Variants in PXDNL observed in about 807,000 individuals in gnomAD.
PXDNL encodes probable oxidoreductase PXDNL.
In PXDNL, 145 loss-of-function variants were observed where a neutral mutation model predicts 150.8. The observed-to-expected ratio is 0.96, with a 90% CI of 0.84 to 1.10. The LOEUF is 1.10. Ranked by LOEUF, PXDNL falls within the 50% of genes least tolerant of loss-of-function variation. The probability of loss-of-function intolerance (pLI) is 0.00; values close to 1 mark genes in which losing one functional copy is unlikely to be tolerated. For synonymous variants in PXDNL, 757 were observed against 725.7 expected (o/e 1.04, Z -0.69); for missense variants, 2,087 against 1,873.9 (o/e 1.11, Z -2.10).
intron 4 of PXDNL, among the ~76,000 whole-genome samples, chr8:51,545,950 A>C (rs940002538): frequency 1.3e-5 from 2 of 152,212 alleles, no homozygotes; most frequent in African/African-American, 2.4e-5. Context: ...GAAAAGTCTA[A>C]AGTCTCATTT....
intron 1 of PXDNL, among the ~76,000 whole-genome samples, chr8:51,683,489 G>T (rs1419625135): frequency 6.6e-6 from 1 of 151,786 alleles, no homozygotes; most frequent in East Asian, 1.9e-4. Flanking sequence ...ACCTAATATT[G>T]GGGAGAGGGG....
intron 20 of PXDNL, among the ~76,000 whole-genome samples, chr8:51,343,683 C>T (rs1423257324): frequency 6.6e-6 from 1 of 152,136 alleles, no homozygotes; most frequent in Non-Finnish European, 1.5e-5. Flanking sequence ...TGTTGTTATC[C>T]ATGCCTGTGC....
At chr8:51,729,473 C>G (rs1198309657) in intron 1 of PXDNL, among the ~76,000 whole-genome samples, 2 of 152,084 alleles carry the variant, frequency 1.3e-5, no homozygotes, top group African/African-American at 4.8e-5. Context: ...TTTAGAATGG[C>G]CAAAATCCAA....
chr8:51,760,845 C>CTTTTTTTTTTTTTTTTTTTTTTTTTT lies in PXDNL; in HGVS notation c.164+48310_164+48335dup, dbSNP rs71237237. Among the ~76,000 whole-genome samples the CTTTTTTTTTTTTTTTTTTTTTTTTTT allele has an allele frequency of 2.2e-4, 10 of 45,492 alleles. 4 individuals are homozygous for CTTTTTTTTTTTTTTTTTTTTTTTTTT. The highest frequency in any genetic ancestry group is 3.8e-4 in the Non-Finnish European group (10 of 26,652). 29.8% of individuals were successfully genotyped at this position (45,492 alleles called of 152,430 possible). On this transcript the variant is annotated intron_variant, in intron 1 of 22. Transcript: ENST00000356297. ...GTTAGCCTGAAGGAAATCACTTAAA[C>CTTTTTTTTTTTTTTTTTTTTTTTTTT]TTTTTTTTTTTTTTTTTTTTTTTTT... is the stretch of plus-strand genomic sequence containing the variant.
At chr8:51,324,321 A>C (rs1400432457) in intron 21 of PXDNL, among the ~76,000 whole-genome samples, 3 of 151,228 alleles carry the variant, frequency 2.0e-5, no homozygotes, top group Non-Finnish European at 2.9e-5. Flanking sequence ...AGGTTGAATA[A>C]GAGTGGTGAG....
intron 4 of PXDNL, among the ~76,000 whole-genome samples, chr8:51,527,457 C>A (rs964531853): frequency 1.3e-5 from 2 of 152,172 alleles, no homozygotes; most frequent in African/African-American, 2.4e-5. Context: ...ACAAGGAGAG[C>A]AAACAGGTTG....
chr8:51,666,121 G>A (rs79949134), intron 1 of PXDNL, among the ~76,000 whole-genome samples: 5,736 of 152,098 alleles, frequency 0.038, 373 homozygotes, highest in African/African-American at 0.13. Context: ...AAATCATCCT[G>A]GCCTACGTCA....
At chr8:51,791,792 C>A (rs2037515678) in intron 1 of PXDNL, among the ~76,000 whole-genome samples, 1 of 152,122 alleles carries the variant, frequency 6.6e-6, no homozygotes, top group Admixed American at 6.5e-5. Flanking sequence ...GATATAAAAT[C>A]CTTCAATGCT....
chr8:51,423,652 G>T lies in PXDNL; in HGVS notation c.1718C>A (p.Pro573His), dbSNP rs578054583. Residue 573 changes from proline (P) to histidine (H), a missense_variant, in exon 14 of 23, where the codon CCT becomes CAT. Transcript: ENST00000356297. Reference sequence around the variant, plus strand: ...CACACATTCATATCTTCCCTGGTCAGGGAACCCTGCGTCGTAGATAGTCAG... The same window carrying T: ...CACACATTCATATCTTCCCTGGTCATGGAACCCTGCGTCGTAGATAGTCAG... ...GTLTIYDAGF[P>H]DQGRYECVAR... 6.2e-6 allele frequency: 10 copies of T among 1,613,910 alleles called. No individual in the cohort carries two copies. Among genetic ancestry groups the T allele is most frequent in the African/African-American group, 1.3e-5 (1 of 75,040 alleles).
chr8:51,763,968 T>C (rs1355919560), intron 1 of PXDNL, among the ~76,000 whole-genome samples: 1 of 152,202 alleles, frequency 6.6e-6, no homozygotes, highest in Non-Finnish European at 1.5e-5. Flanking sequence ...ATTTTTAAAA[T>C]TACTAATTTA....
In PXDNL at chr8:51,794,074, T is replaced by C. The variant is rs1307397327; in HGVS notation, c.164+15107A>G. On this transcript the variant is annotated intron_variant, in intron 1 of 22. Coordinates refer to ENST00000356297, the MANE Select transcript of PXDNL (RefSeq NM_144651.5). ...AAGCAGAAGAAAGAATTTCAGAGCT[T>C]GAAGACTATCTTGCTGAAGCAAGAC... is the stretch of plus-strand genomic sequence containing the variant. 3.3e-5 allele frequency among the ~76,000 whole-genome samples: 5 copies of C among 151,894 alleles called. No individual in the cohort carries two copies. The South Asian group carries it at 6.2e-4, about 19-fold the overall frequency.
chr8:51,640,887 G>A (rs1311327398), intron 2 of PXDNL, among the ~76,000 whole-genome samples: 22 of 151,866 alleles, frequency 1.4e-4, no homozygotes, highest in African/African-American at 2.7e-4. Flanking sequence ...AAAAGAGCCC[G>A]CATCGCCAAG....
intron 1 of PXDNL, among the ~76,000 whole-genome samples, chr8:51,719,223 T>C (rs957264830): frequency 1.3e-5 from 2 of 152,212 alleles, no homozygotes; most frequent in Admixed American, 6.5e-5. Flanking sequence ...GGGGAAAAGA[T>C]AGAGAAATCA....
At chr8:51,325,786 C>A (rs1007981462) in intron 21 of PXDNL, among the ~76,000 whole-genome samples, 1 of 152,192 alleles carries the variant, frequency 6.6e-6, no homozygotes, top group Admixed American at 6.5e-5. Context: ...GGACAGCAGC[C>A]TCAAGGTGTC....
intron 12 of PXDNL, chr8:51,435,801 C>T (rs557344119): frequency 7.2e-6 from 3 of 417,788 alleles, no homozygotes; most frequent in South Asian, 2.1e-5. Context: ...ATCTTTTCTT[C>T]CAGAGGAATA....
intron 4 of PXDNL, among the ~76,000 whole-genome samples, chr8:51,506,455 C>T (rs746053388): frequency 9.9e-5 from 14 of 140,868 alleles, no homozygotes; most frequent in Non-Finnish European, 1.8e-4. Context: ...GCAGGAGAAT[C>T]GCTTGAACCA....
chr8:51,616,125 A>T (rs562004109), intron 2 of PXDNL, among the ~76,000 whole-genome samples: 2 of 152,260 alleles, frequency 1.3e-5, no homozygotes, highest in Non-Finnish European at 2.9e-5. Context: ...GGGGCAATTA[A>T]GGAGCCATTA....
intron 1 of PXDNL, among the ~76,000 whole-genome samples, chr8:51,698,224 A>G (rs1225271260): frequency 6.6e-6 from 1 of 152,244 alleles, no homozygotes; most frequent in African/African-American, 2.4e-5. Context: ...TGTATCATGC[A>G]ATGCTGTCAG....
intron 2 of PXDNL, among the ~76,000 whole-genome samples, chr8:51,622,360 C>T (rs1411385253): frequency 6.6e-6 from 1 of 152,088 alleles, no homozygotes; most frequent in Admixed American, 6.6e-5. Flanking sequence ...GAACTGTGAG[C>T]TAATAAATGG....
Sources: gnomAD v4.1 joint callset for allele counts (sites outside exome capture counted in the v4.1 genomes callset) on GRCh38, gnomAD v4.1.1 for gene constraint, MANE v1.5 for transcripts, NCBI Gene and HGNC (gene_info 2026-07-23, HGNC 2026-07-21) for gene names.